Variants in CREBRF observed in about 807,000 individuals in gnomAD.
CREBRF encodes the protein CREB3 regulatory factor, also known as UPF0474 protein C5orf41.
In CREBRF, 5 loss-of-function variants were observed where a neutral mutation model predicts 66.1. The observed-to-expected ratio is 0.08, with a 90% confidence interval of 0.04 to 0.16. The LOEUF is 0.16. CREBRF is among the 10% of genes least tolerant of loss of function. The probability of loss-of-function intolerance (pLI) is 1.00; values close to 1 mark genes in which losing one functional copy is unlikely to be tolerated. For synonymous variants in CREBRF, 229 were observed against 264.4 expected (o/e 0.87, Z 1.30); for missense variants, 531 against 744.9 (o/e 0.71, Z 3.34).
intron 4 of CREBRF, among the ~76,000 whole-genome samples, chr5:173,104,446 T>C (rs1381094070): frequency 1.3e-5 from 2 of 152,086 alleles, no homozygotes; most frequent in African/African-American, 4.8e-5. Flanking sequence ...TTTGGGAGGC[T>C]GAAATGGGAA....
intron 4 of CREBRF, chr5:173,091,772 A>G (rs1198264255): frequency 2.0e-6 from 2 of 994,640 alleles, no homozygotes; most frequent in African/African-American, 3.5e-5. Flanking sequence ...GACACCAATA[A>G]TTTATTGGTT....
At chr5:173,078,483 T>C (rs1158969755) in intron 1 of CREBRF, among the ~76,000 whole-genome samples, 1 of 150,816 alleles carries the variant, frequency 6.6e-6, no homozygotes, top group Non-Finnish European at 1.5e-5. Context: ...TAATGTATAA[T>C]AAATATATAT....
chr5:173,112,076 T>G (rs1758882898), intron 6 of CREBRF, among the ~76,000 whole-genome samples: 1 of 152,120 alleles, frequency 6.6e-6, no homozygotes, highest in African/African-American at 2.4e-5. Flanking sequence ...AGTTTTGGAT[T>G]GCTATTAGAA....
rs772132366 is a variant in CREBRF at position 173,090,891 on chromosome 5, G to A, written c.712G>A (p.Ala238Thr). Residue 238 changes from alanine (A) to threonine (T), a missense_variant, in exon 4 of 9, where the codon GCA becomes ACA. Coordinates refer to ENST00000296953, the MANE Select transcript of CREBRF (RefSeq NM_153607.3). The surrounding 1 kb of genome is among the most constrained non-coding windows in gnomAD (Gnocchi z 4.5). Reference protein sequence around the residue: ...HVECKDYVKKAKVKINPVQQS... With the variant: ...HVECKDYVKKTKVKINPVQQS... ...TGAATGTAAAGACTATGTAAAAAAG[G>A]CAAAGGTAAAGATCAACCCAGTGCA... is the stretch of plus-strand genomic sequence containing the variant. The A allele has an allele frequency of 9.9e-6, 16 of 1,614,036 alleles. No individual in the cohort carries two copies. The highest frequency in any genetic ancestry group is 1.3e-5 in the African/African-American group (1 of 74,908).
rs376605604 is a variant in CREBRF at position 173,109,960 on chromosome 5, T to G, written c.1418-562T>G. The G allele has an allele frequency of 4.9e-5, 8 of 163,966 alleles. No individual in the cohort carries two copies. In the South Asian group the frequency reaches 1.1e-3, roughly 24 times the overall value. The allele number at this position is 163,966 out of a possible 1,614,324, so 10.2% of individuals were successfully genotyped here. A position where few individuals can be genotyped will look rare whatever the true frequency, so the allele number is the denominator to read the frequency against. ...ACAGAGCCATCCCTTTTGCCTGGAGTGATAGACCAAGACCCCTTGAGTCTT... is the reference window on the plus strand; with the variant it reads ...ACAGAGCCATCCCTTTTGCCTGGAGGGATAGACCAAGACCCCTTGAGTCTT... On this transcript the variant is annotated intron_variant, in intron 5 of 8. Transcript: ENST00000296953.
At chr5:173,110,283 A>C (rs1179298169) in intron 5 of CREBRF, 2 of 591,388 alleles carry the variant, frequency 3.4e-6, no homozygotes, top group African/African-American at 3.7e-5. Flanking sequence ...GGTAGGGAAG[A>C]ACTTGGAAAA....
intron 1 of CREBRF, among the ~76,000 whole-genome samples, chr5:173,066,110 T>C (rs1022924263): frequency 2.0e-5 from 3 of 152,182 alleles, no homozygotes; most frequent in African/African-American, 4.8e-5. Flanking sequence ...CCACCTCTCA[T>C]TATCTTTTAT....
Position 173,137,359 on chromosome 5 carries a change from A to G in CREBRF, c.*3614A>G. On this transcript the variant is annotated 3_prime_UTR_variant, in exon 9 of 9. Coordinates refer to ENST00000296953, the MANE Select transcript of CREBRF (RefSeq NM_153607.3). ...TTCCCTCTCTTTATAGTTATTTTAT[A>G]TTTGTATGAAAGACCAGTTTTGGAT... is the stretch of plus-strand genomic sequence containing the variant. The G allele has an allele frequency of 6.6e-6, 1 of 152,028 alleles. No individual in the cohort carries two copies. Among genetic ancestry groups the G allele is most frequent in the Non-Finnish European group, 1.5e-5 (1 of 67,918 alleles). 9.4% of individuals were successfully genotyped at this position (152,028 alleles called of 1,614,324 possible). A position where few individuals can be genotyped will look rare whatever the true frequency, so the allele number is the denominator to read the frequency against.
chr5:173,124,173 C>G (rs961420919), intron 8 of CREBRF: 5 of 152,078 alleles, frequency 3.3e-5, no homozygotes, highest in African/African-American at 1.2e-4. Context: ...GTCAGTTTTA[C>G]CAGGTATAAA....
intron 7 of CREBRF, among the ~76,000 whole-genome samples, chr5:173,121,233 T>G (rs1759131288): frequency 1.3e-5 from 2 of 152,170 alleles, no homozygotes; most frequent in Non-Finnish European, 2.9e-5. Context: ...AGGAACCAGC[T>G]TTTGGCTTTG....
Position 173,135,438 on chromosome 5 carries a change from A to AT in CREBRF, c.*1698dup, listed in dbSNP as rs753397276. On this transcript the variant is annotated 3_prime_UTR_variant, in exon 9 of 9. Coordinates refer to ENST00000296953, the MANE Select transcript of CREBRF (RefSeq NM_153607.3). ...CAGCATTATAAACCTTCCCCCACAG[A>AT]TTTTTCCATCCTGTCTCTCTTACTG... 2 of 152,432 alleles carry AT rather than the reference A, an allele frequency of 1.3e-5. No individual in the cohort carries two copies. The highest frequency in any genetic ancestry group is 4.2e-4 in the South Asian group (2 of 4,818). The allele number at this position is 152,432 out of a possible 1,614,324, so 9.4% of individuals were successfully genotyped here. A position where few individuals can be genotyped will look rare whatever the true frequency, so the allele number is the denominator to read the frequency against.
chr5:173,067,175 A>G (rs1030288628), intron 1 of CREBRF, among the ~76,000 whole-genome samples: 3 of 152,162 alleles, frequency 2.0e-5, no homozygotes, highest in African/African-American at 7.2e-5. Flanking sequence ...TTATCTGTTT[A>G]TCAGTGGGTA....
chr5:173,127,461 C>CT (rs70984945), intron 8 of CREBRF, among the ~76,000 whole-genome samples: 114 of 130,788 alleles, frequency 8.7e-4, no homozygotes, highest in South Asian at 1.5e-3. Context: ...TTTTTCTTTT[C>CT]TTTTTTTTTT....
chr5:173,058,880 C>T (rs1757167650), intron 1 of CREBRF, among the ~76,000 whole-genome samples: 1 of 150,366 alleles, frequency 6.7e-6, no homozygotes, highest in Non-Finnish European at 1.5e-5. Context: ...ACTGCAACCT[C>T]CGCCTGCCGG....
At chr5:173,069,140 C>T (rs370236775) in intron 1 of CREBRF, among the ~76,000 whole-genome samples, 1 of 151,982 alleles carries the variant, frequency 6.6e-6, no homozygotes, top group East Asian at 1.9e-4. Flanking sequence ...AGCAACATCC[C>T]AGGAGTATCA....
intron 4 of CREBRF, among the ~76,000 whole-genome samples, chr5:173,102,387 A>G (rs1758648081): frequency 6.6e-6 from 1 of 151,912 alleles, no homozygotes; most frequent in African/African-American, 2.4e-5. Context: ...TTCACTTGTC[A>G]GGTCATCTAG....
At position 173,090,925 on chromosome 5, in the gene CREBRF, G is replaced by C. The variant is rs766697965; in HGVS notation, c.746G>C (p.Arg249Pro). The C allele has an allele frequency of 1.2e-6, 2 of 1,614,138 alleles. No homozygotes were observed. Among genetic ancestry groups the C allele is most frequent in the Non-Finnish European group, 1.7e-6 (2 of 1,180,022 alleles). Residue 249 changes from arginine to proline, a missense_variant, in exon 4 of 9, where the codon CGG becomes CCG. Arg to Pro is a moderately radical substitution (Grantham distance 103). Transcript: ENST00000296953. This position sits in a 1 kb window ranked among gnomAD's most constrained non-coding sequence, Gnocchi z 4.5. ...KVKINPVQQS[R>P]PLLSQIHTDA... ...AAGATCAACCCAGTGCAACAGAGCCGGCCCTTGTTGAGCCAGATTCACACA... is the reference window on the plus strand; with the variant it reads ...AAGATCAACCCAGTGCAACAGAGCCCGCCCTTGTTGAGCCAGATTCACACA...
chr5:173,119,564 C>G (rs1759087021), intron 7 of CREBRF, among the ~76,000 whole-genome samples: 1 of 152,178 alleles, frequency 6.6e-6, no homozygotes, highest in Admixed American at 6.5e-5. Context: ...TCTGCTGACA[C>G]AGTCATCATC....
intron 1 of CREBRF, among the ~76,000 whole-genome samples, chr5:173,059,273 T>TG (rs1457175011): frequency 1.4e-5 from 2 of 140,722 alleles, no homozygotes; most frequent in Non-Finnish European, 3.1e-5. Flanking sequence ...TTCTTTTTTT[T>TG]TTTTTTTTGA....
Sources: gnomAD v4.1 joint callset for allele counts (sites outside exome capture counted in the v4.1 genomes callset) on GRCh38, gnomAD v4.1.1 for gene constraint, Gnocchi (gnomAD v3.1) non-coding constraint, MANE v1.5 for transcripts, NCBI Gene and HGNC (gene_info 2026-07-23, HGNC 2026-07-21) for gene names.